Variants in HDGF observed in about 807,000 individuals in gnomAD.
HDGF encodes the protein heparin binding growth factor.
A neutral mutation model predicts 30.0 loss-of-function variants in HDGF; 5 were observed. That is an observed-to-expected ratio of 0.17 (90% CI 0.09 to 0.35). The LOEUF is 0.35. HDGF is among the 10% of genes least tolerant of loss of function. The pLI is 1.00. For missense variants in HDGF, 214 were observed against 302.8 expected (o/e 0.71, Z 2.18); for synonymous variants, 133 against 112.7 (o/e 1.18, Z -1.14).
intron 1 of HDGF, among the ~76,000 whole-genome samples, chr1:156,747,650 G>A (rs117651437): frequency 1.3e-5 from 2 of 152,104 alleles, no homozygotes; most frequent in East Asian, 1.9e-4. Flanking sequence ...AGGGGTGGGG[G>A]TGGGGACTGA....
intron 2 of HDGF, 43 bp from the exon 3 acceptor site, chr1:156,745,189 C>T (rs1650440192): frequency 1.9e-6 from 3 of 1,613,406 alleles, no homozygotes; most frequent in African/African-American, 2.7e-5. Flanking sequence ...CCCTCACTGC[C>T]CCTGAGCTGC....
Position 156,748,107 on chromosome 1 carries a change from C to T in HDGF, c.88-2734G>A, listed in dbSNP as rs549131793. On this transcript the variant is annotated intron_variant, in intron 1 of 5. Transcript: ENST00000357325. Reference sequence around the variant, plus strand: ...CAGGGGCCTGAGCAGATAGGCATCTCCCCCCAAAGCATCATCCCACCTGGC... The same window carrying T: ...CAGGGGCCTGAGCAGATAGGCATCTTCCCCCAAAGCATCATCCCACCTGGC... Among the ~76,000 whole-genome samples the T allele has an allele frequency of 1.4e-4, 22 of 152,186 alleles. No homozygotes were observed. In the South Asian group the frequency reaches 2.5e-3, roughly 17 times the overall value.
intron 1 of HDGF, among the ~76,000 whole-genome samples, chr1:156,746,328 T>C (rs1650544230): frequency 6.6e-6 from 1 of 152,242 alleles, no homozygotes; most frequent in Non-Finnish European, 1.5e-5. Context: ...AATTATTTAC[T>C]GAATGAATTT....
intron 1 of HDGF, among the ~76,000 whole-genome samples, chr1:156,749,425 G>C (rs1229087502): frequency 6.6e-6 from 1 of 152,206 alleles, no homozygotes; most frequent in East Asian, 1.9e-4. Context: ...TGTCTGGGAG[G>C]TAACAGCCTT....
At chr1:156,756,063 C>T (rs1320832288), upstream of HDGF, among the ~76,000 whole-genome samples, 1 of 152,156 alleles carries the variant, frequency 6.6e-6, no homozygotes, top group East Asian at 1.9e-4. Context: ...CCAGCCTAGC[C>T]AACATGGGGA....
rs367802841 is a variant in HDGF, at chr1:156,745,254, T to C, written c.164+43A>G. 291 of 1,609,306 alleles carry C rather than the reference T, an allele frequency of 1.8e-4. 2 individuals carry two copies. Among genetic ancestry groups the C allele is most frequent in the Admixed American group, 2.7e-4 (16 of 59,806 alleles). On this transcript the variant is annotated intron_variant, in intron 2 of 5. Transcript: ENST00000357325. ...CACCTCACCTTCCCCAGAGTAGTCC[T>C]CCCGGGGCCCTCCCGACCTATACCC...
At chr1:156,765,085 C>A (rs1030182741) in intron 1 of HDGF, among the ~76,000 whole-genome samples, 3 of 151,062 alleles carry the variant, frequency 2.0e-5, no homozygotes, top group African/African-American at 4.9e-5. Flanking sequence ...TTATCCGCGC[C>A]CCCCCCGCCC....
chr1:156,757,073 A>G (rs1288926863), upstream of HDGF, among the ~76,000 whole-genome samples: 1 of 151,856 alleles, frequency 6.6e-6, no homozygotes, highest in African/African-American at 2.4e-5. Context: ...GATTATAGGC[A>G]TGAGCCACCG....
In HDGF at chr1:156,742,735, G is replaced by GT. The variant is rs1299636854; in HGVS notation, c.*713dup. On this transcript the variant is annotated 3_prime_UTR_variant, in exon 6 of 6. Coordinates refer to ENST00000357325, the MANE Select transcript of HDGF (RefSeq NM_004494.3). ...CAACACTCCCACCCAAATGGGTAAA[G>GT]TCAACCCTTCAGGTCTCAGGTCCTT... The GT allele has an allele frequency of 6.5e-6, 1 of 154,716 alleles. No homozygotes were observed. The highest frequency in any genetic ancestry group is 1.5e-5 in the Non-Finnish European group (1 of 68,194). The allele number at this position is 154,716 out of a possible 1,614,324, so 9.6% of individuals were successfully genotyped here. A position where few individuals can be genotyped will look rare whatever the true frequency, so the allele number is the denominator to read the frequency against.
intron 1 of HDGF, among the ~76,000 whole-genome samples, chr1:156,747,227 A>ACCGCCCCCCCCCCCCCCCCC (rs1650619900): frequency 3.8e-5 from 1 of 26,360 alleles, no homozygotes; most frequent in Non-Finnish European, 6.7e-5. Flanking sequence ...CAGGAATGTG[A>ACCGCCCCCCCCCCCCCCCCC]CCGCCCCTCC....
chr1:156,757,452 C>T (rs1239224597), intron 2 of HDGF, among the ~76,000 whole-genome samples: 2 of 146,544 alleles, frequency 1.4e-5, no homozygotes, highest in African/African-American at 2.5e-5. Flanking sequence ...GGCGACAGGG[C>T]AAGACTCCGT....
At chr1:156,763,017 G>C (rs1309352482) in intron 1 of HDGF, among the ~76,000 whole-genome samples, 3 of 152,138 alleles carry the variant, frequency 2.0e-5, no homozygotes, top group African/African-American at 7.2e-5. Flanking sequence ...GATGTGCCCA[G>C]CCAATTACCT....
intron 1 of HDGF, 23 bp from the exon 2 acceptor site, chr1:156,745,396 G>A (rs770511239): frequency 6.2e-7 from 1 of 1,607,692 alleles, no homozygotes; most frequent in Non-Finnish European, 8.5e-7. Flanking sequence ...GAGGGGGTGA[G>A]GTTAGCTAGA....
At chr1:156,761,316 A>G (rs1651245828) in intron 1 of HDGF, among the ~76,000 whole-genome samples, 4 of 150,988 alleles carry the variant, frequency 2.6e-5, no homozygotes, top group Admixed American at 6.6e-5. Flanking sequence ...TCTCCAAAAA[A>G]TAAAAAATAA....
chr1:156,759,589 C>G (rs1416606423), intron 1 of HDGF, among the ~76,000 whole-genome samples: 1 of 148,952 alleles, frequency 6.7e-6, no homozygotes, highest in East Asian at 2.0e-4. Flanking sequence ...TCAAGTGATT[C>G]TCCTGTCTCA....
chr1:156,745,035 G>A lies in HDGF; in HGVS notation c.276C>T (p.Asn92=), dbSNP rs771816652. Residue 92 remains asparagine (N), a synonymous_variant, in exon 3 of 6, where the codon AAC becomes AAT. Transcript: ENST00000357325. ...GATAGCCGGAAGCCTTGACAGTAGG[G>A]TTGTTCTCGATCTCCCACAGCCCCT... ...FSEGLWEIEN[N]PTVKASGYQS... The A allele has an allele frequency of 3.2e-5, 52 of 1,613,930 alleles. No individual in the cohort carries two copies. The highest frequency in any genetic ancestry group is 4.2e-5 in the Non-Finnish European group (50 of 1,180,028).
chr1:156,758,321 G>A (rs1447899302), intron 2 of HDGF, among the ~76,000 whole-genome samples: 1 of 149,986 alleles, frequency 6.7e-6, no homozygotes, highest in African/African-American at 2.5e-5. Context: ...GCCAGGCGCG[G>A]TGGCTCACGC....
At chr1:156,744,978 AG>A (rs780375302) in intron 3 of HDGF, 29 bp downstream of exon 3, 1 of 1,612,888 alleles carries the variant, frequency 6.2e-7, no homozygotes, top group South Asian at 1.1e-5. Flanking sequence ...TCTGCTTTCC[AG>A]GGGGTCTCTG....
rs146810668 is a variant in HDGF at position 156,758,592 on chromosome 1, C to CAAAAAA, written n.373+385_373+390dup. Among the ~76,000 whole-genome samples the CAAAAAA allele has an allele frequency of 9.3e-5, 8 of 85,982 alleles. No individual in the cohort carries two copies. In the South Asian group the frequency reaches 1.7e-3, roughly 18 times the overall value. 56.4% of individuals were successfully genotyped at this position (85,982 alleles called of 152,430 possible). ...TGGGTGACAGAGCGAGACTCCGTCT[C>CAAAAAA]AAAAAAAAAAATAAATAAATAAATA... is the stretch of plus-strand genomic sequence containing the variant. On this transcript the variant is annotated intron_variant and non_coding_transcript_variant, in intron 2 of 7. Transcript: ENST00000465180.
Sources: allele counts gnomAD v4.1 joint callset (sites outside exome capture counted in the v4.1 genomes callset), GRCh38; gene constraint gnomAD v4.1.1; transcripts MANE v1.5; gene names NCBI Gene and HGNC (gene_info 2026-07-23, HGNC 2026-07-21).